MCTP2: variants seen among roughly 807,000 people sequenced by gnomAD.
MCTP2 encodes the protein multiple C2 and transmembrane domain containing 2.
Under a neutral mutation model 111.6 loss-of-function variants are expected in MCTP2, and 132 were observed. The ratio of observed to expected loss-of-function variants is 1.18; its 90% CI spans 1.03 to 1.37. MCTP2 has a LOEUF of 1.37. Among genes scored for constraint, MCTP2 ranks in the 40% most tolerant of loss-of-function variants. The pLI, the probability that MCTP2 is intolerant of heterozygous loss-of-function variation, is 0.00. For synonymous variants in MCTP2, 395 were observed against 387.7 expected (o/e 1.02, Z -0.22); for missense variants, 1,183 against 1,067.9 (o/e 1.11, Z -1.50).
chr15:94,421,480 G>C (rs1270000379), intron 17 of MCTP2, among the ~76,000 whole-genome samples: 1 of 152,174 alleles, frequency 6.6e-6, no homozygotes, highest in Non-Finnish European at 1.5e-5. Flanking sequence ...GTCTCACTGG[G>C]CTAAAATTAA....
chr15:94,442,091 G>A (rs1027026884), intron 18 of MCTP2, among the ~76,000 whole-genome samples: 1 of 152,208 alleles, frequency 6.6e-6, no homozygotes, highest in African/African-American at 2.4e-5. Flanking sequence ...GTGGAACAGT[G>A]ACATCTGAAC....
intron 1 of MCTP2, among the ~76,000 whole-genome samples, chr15:94,250,499 AC>A (rs1199492610): frequency 6.6e-6 from 1 of 152,202 alleles, no homozygotes; most frequent in Non-Finnish European, 1.5e-5. Context: ...AAATCTAAAA[AC>A]ACATTAAGGC....
rs751465914 is a variant in MCTP2, at chr15:94,479,118, AG to A, written c.*86del. The A allele has an allele frequency of 2.3e-5, 32 of 1,372,256 alleles. No individual in the cohort carries two copies. The highest frequency in any genetic ancestry group is 3.3e-5 in the Non-Finnish European group (32 of 961,700). The allele number at this position is 1,372,256 out of a possible 1,614,324, so 85.0% of individuals were successfully genotyped here. ...GTTATGGCTGTTTCAGTGGTACCCA[AG>A]GTGTCCTTCTGAAATGCATGCCCTG... On this transcript the variant is annotated 3_prime_UTR_variant, in exon 23 of 23. Coordinates refer to ENST00000357742, the MANE Select transcript of MCTP2 (RefSeq NM_001385001.1).
intron 1 of MCTP2, among the ~76,000 whole-genome samples, chr15:94,268,184 CTTTT>C (rs370731655): frequency 1.5e-5 from 2 of 132,260 alleles, no homozygotes; most frequent in Non-Finnish European, 3.2e-5. Flanking sequence ...TTCTTTCTTT[CTTTT>C]TTTTTTTTTT....
At chr15:94,279,261 T>G (rs12908129) in intron 1 of MCTP2, among the ~76,000 whole-genome samples, 18,204 of 152,158 alleles carry the variant, frequency 0.12, 1,133 homozygotes, top group Middle Eastern at 0.15. Flanking sequence ...ATGGAATGCT[T>G]TTCCATTTGT....
At chr15:94,464,261 A>ATATATATATAATATATATATATATAT (rs2085439013) in intron 20 of MCTP2, among the ~76,000 whole-genome samples, 3 of 43,338 alleles carry the variant, frequency 6.9e-5, no homozygotes, top group Non-Finnish European at 1.0e-4. Context: ...TATATATTAT[A>ATATATATATAATATATATATATATAT]TATATATATA....
At chr15:94,470,472 A>G (rs375603871) in intron 21 of MCTP2, 30 bp downstream of exon 21, 25 of 1,395,842 alleles carry the variant, frequency 1.8e-5, no homozygotes, top group African/African-American at 9.9e-5. Flanking sequence ...TTTGCTAGCA[A>G]TCAATTCCAG....
chr15:94,304,890 C>T (rs184661382), intron 2 of MCTP2, among the ~76,000 whole-genome samples: 114 of 152,232 alleles, frequency 7.5e-4, no homozygotes, highest in Admixed American at 1.8e-3. Context: ...GGCTTCCTGG[C>T]GTGACCTCTC....
chr15:94,268,685 A>T (rs1197192440), intron 1 of MCTP2, among the ~76,000 whole-genome samples: 1 of 151,980 alleles, frequency 6.6e-6, no homozygotes, highest in Non-Finnish European at 1.5e-5. Flanking sequence ...GCTATCCATG[A>T]ATTCTTACCA....
At chr15:94,243,079 C>A (rs558750642) in intron 1 of MCTP2, among the ~76,000 whole-genome samples, 1 of 64,888 alleles carries the variant, frequency 1.5e-5, no homozygotes, top group East Asian at 3.6e-4. Context: ...ATATGTGTAT[C>A]TACACATATA....
intron 1 of MCTP2, among the ~76,000 whole-genome samples, chr15:94,268,041 A>G (rs1446590473): frequency 7.0e-6 from 1 of 143,076 alleles, no homozygotes; most frequent in Non-Finnish European, 1.5e-5. Context: ...AATTTTTTGC[A>G]TTTTCAGTAG....
At chr15:94,255,167 A>G (rs1467501929) in intron 1 of MCTP2, among the ~76,000 whole-genome samples, 3 of 152,176 alleles carry the variant, frequency 2.0e-5, no homozygotes, top group Non-Finnish European at 4.4e-5. Flanking sequence ...ATATAACTAT[A>G]CCCCAATTAG....
intron 10 of MCTP2, among the ~76,000 whole-genome samples, chr15:94,363,378 T>C (rs1357799526): frequency 6.6e-6 from 1 of 152,072 alleles, no homozygotes; most frequent in Non-Finnish European, 1.5e-5. Flanking sequence ...AATTTGGGCT[T>C]AGAATGGAAG....
intron 19 of MCTP2, among the ~76,000 whole-genome samples, chr15:94,449,283 A>C (rs1259699167): frequency 1.3e-5 from 2 of 152,220 alleles, no homozygotes; most frequent in African/African-American, 4.8e-5. Context: ...TATGTGCAGG[A>C]GCTCATTCAG....
intron 2 of MCTP2, among the ~76,000 whole-genome samples, chr15:94,299,226 C>T (rs750682912): frequency 6.6e-6 from 1 of 151,774 alleles, no homozygotes; most frequent in Non-Finnish European, 1.5e-5. Flanking sequence ...TTCCAGAATA[C>T]TTTAGGACAT....
chr15:94,245,449 T>C (rs2071843307), intron 1 of MCTP2, among the ~76,000 whole-genome samples: 1 of 139,360 alleles, frequency 7.2e-6, no homozygotes, highest in African/African-American at 2.6e-5. Context: ...TACACATATA[T>C]GTATATGTAT....
At chr15:94,273,842 G>A (rs542770007) in intron 1 of MCTP2, 9 of 223,572 alleles carry the variant, frequency 4.0e-5, no homozygotes, top group Admixed American at 1.8e-4. Flanking sequence ...GAGGGCCAAC[G>A]GCACCACCAT....
intron 14 of MCTP2, among the ~76,000 whole-genome samples, chr15:94,390,066 A>ATATATATATATATATATATATGTG (rs2080801985): frequency 8.3e-5 from 1 of 12,034 alleles, no homozygotes; most frequent in South Asian, 3.1e-3. Flanking sequence ...ATATATATAT[A>ATATATATATATATATATATATGTG]TATATATATA....
rs1422286022 is a variant in MCTP2 at position 94,311,027 on chromosome 15, T to A, written c.466-3255T>A. 8.4e-4 allele frequency among the ~76,000 whole-genome samples: 125 copies of A among 149,186 alleles called. 1 individual carries two copies. The highest frequency in any genetic ancestry group is 1.4e-3 in the Non-Finnish European group (97 of 67,358). On this transcript the variant is annotated intron_variant, in intron 2 of 22. Coordinates refer to ENST00000357742, the MANE Select transcript of MCTP2 (RefSeq NM_001385001.1). ...TATTGGGAACTTTCCTTTTTTTTTT[T>A]TTTTTTTTTATTTTTGAGATGGAGT...
Sources: allele counts gnomAD v4.1 joint callset (sites outside exome capture counted in the v4.1 genomes callset), GRCh38; gene constraint gnomAD v4.1.1; transcripts MANE v1.5; gene names NCBI Gene and HGNC (gene_info 2026-07-23, HGNC 2026-07-21).